The following CENPP variants were observed in gnomAD, a reference collection of about 807,000 sequenced individuals.
CENPP encodes centromere protein P.
CENPP carries 24 observed loss-of-function variants against 35.6 expected under a neutral mutation model. That is an observed-to-expected ratio of 0.67 (90% confidence interval 0.49 to 0.95). CENPP has a LOEUF of 0.95. Among genes scored for constraint, CENPP ranks in the 40% least tolerant of loss-of-function variants. CENPP has a pLI of 0.00. For missense variants in CENPP, 332 were observed against 345.3 expected, an observed-to-expected ratio of 0.96 and a Z score of 0.31; for synonymous variants, 120 against 125.5, an observed-to-expected ratio of 0.96 and a Z score of 0.29.
At chr9:92,582,803 T>C (rs928525139) in intron 5 of CENPP, among the ~76,000 whole-genome samples, 6 of 152,126 alleles carry the variant, frequency 3.9e-5, no homozygotes, top group African/African-American at 1.2e-4. Context: ...CTGAAGAATA[T>C]CCTGCTCTCA....
intron 4 of CENPP, among the ~76,000 whole-genome samples, chr9:92,347,964 C>T (rs34918110): frequency 0.011 from 1,614 of 152,206 alleles, 16 homozygotes; most frequent in Non-Finnish European, 0.019. Flanking sequence ...TACTCGGTCA[C>T]CCAGGCTAGA....
At chr9:92,484,636 A>G (rs1846013479) in intron 5 of CENPP, among the ~76,000 whole-genome samples, 1 of 152,306 alleles carries the variant, frequency 6.6e-6, no homozygotes, top group Admixed American at 6.5e-5. Context: ...CTCTTTAAAA[A>G]TTAGGCTTTC....
intron 5 of CENPP, among the ~76,000 whole-genome samples, chr9:92,567,630 T>A (rs1324046650): frequency 6.6e-6 from 1 of 152,056 alleles, no homozygotes; most frequent in Non-Finnish European, 1.5e-5. Flanking sequence ...AACACTGCTT[T>A]CTACATAATT....
intron 5 of CENPP, among the ~76,000 whole-genome samples, chr9:92,542,126 TTAGATCATCCGG>T (rs1452680349): frequency 6.6e-6 from 1 of 152,172 alleles, no homozygotes; most frequent in Admixed American, 6.5e-5. Flanking sequence ...AGTGGGATTG[TTAGATCATCCGG>T]TAGTTCTACT....
chr9:92,491,882 C>T (rs991845123), intron 5 of CENPP, among the ~76,000 whole-genome samples: 3 of 152,084 alleles, frequency 2.0e-5, no homozygotes, highest in African/African-American at 4.8e-5. Context: ...CATTTCTCAT[C>T]GCCTTGAATC....
At chr9:92,393,441 T>C (rs1462575315) in intron 5 of CENPP, among the ~76,000 whole-genome samples, 1 of 152,220 alleles carries the variant, frequency 6.6e-6, no homozygotes, top group Non-Finnish European at 1.5e-5. Flanking sequence ...GAGAATCTCT[T>C]TTTATTTTGT....
At chr9:92,472,496 A>T (rs975685465) in intron 5 of CENPP, among the ~76,000 whole-genome samples, 1 of 151,954 alleles carries the variant, frequency 6.6e-6, no homozygotes, top group African/African-American at 2.4e-5. Flanking sequence ...CGTCTCTACT[A>T]AAAATATAAA....
At chr9:92,562,526 G>A (rs745667750) in intron 5 of CENPP, among the ~76,000 whole-genome samples, 5 of 152,022 alleles carry the variant, frequency 3.3e-5, no homozygotes, top group Non-Finnish European at 7.4e-5. Flanking sequence ...TATCTTCAAA[G>A]TGAGACCATT....
chr9:92,417,692 C>A (rs765303405), intron 5 of CENPP: 128 of 631,350 alleles, frequency 2.0e-4, no homozygotes, highest in Non-Finnish European at 2.6e-4. Flanking sequence ...AAAAGAATAT[C>A]CAGAAAGAAT....
intron 5 of CENPP, among the ~76,000 whole-genome samples, chr9:92,588,209 A>G (rs939630442): frequency 6.6e-6 from 1 of 152,060 alleles, no homozygotes; most frequent in African/African-American, 2.4e-5. Context: ...AAAAATTTAA[A>G]GAGAGAAAGA....
At chr9:92,602,672 TCTG>T (rs1234621996) in intron 5 of CENPP, among the ~76,000 whole-genome samples, 1 of 152,000 alleles carries the variant, frequency 6.6e-6, no homozygotes, top group African/African-American at 2.4e-5. Flanking sequence ...ACATAGGAGA[TCTG>T]CTCAATTGGG....
intron 5 of CENPP, among the ~76,000 whole-genome samples, chr9:92,505,332 G>C (rs1343458277): frequency 6.6e-6 from 1 of 151,946 alleles, no homozygotes; most frequent in African/African-American, 2.4e-5. Context: ...ACTGTATCAG[G>C]TGTCTCTACT....
At chr9:92,562,169 A>AT (rs1849861374) in intron 5 of CENPP, among the ~76,000 whole-genome samples, 1 of 148,052 alleles carries the variant, frequency 6.8e-6, no homozygotes, top group Non-Finnish European at 1.5e-5. Flanking sequence ...CATAAGTCAC[A>AT]TTTCCCTTCT....
At chr9:92,567,489 CCTT>C (rs1210422622) in intron 5 of CENPP, among the ~76,000 whole-genome samples, 1 of 150,450 alleles carries the variant, frequency 6.6e-6, no homozygotes, top group Admixed American at 6.7e-5. Context: ...CATTCAGTAT[CCTT>C]CTAGCCATTT....
At chr9:92,594,280 T>A (rs1319464892) in intron 5 of CENPP, among the ~76,000 whole-genome samples, 1 of 152,180 alleles carries the variant, frequency 6.6e-6, no homozygotes, top group African/African-American at 2.4e-5. Context: ...CCCTCCATTC[T>A]TATCAGTGGG....
chr9:92,326,789 G>A (rs990718989), intron 1 of CENPP, among the ~76,000 whole-genome samples: 3 of 152,218 alleles, frequency 2.0e-5, no homozygotes, highest in African/African-American at 7.2e-5. Context: ...CCGTAATTAT[G>A]TATTATCATC....
intron 5 of CENPP, among the ~76,000 whole-genome samples, chr9:92,578,608 G>A (rs1485445943): frequency 1.3e-5 from 2 of 152,180 alleles, no homozygotes; most frequent in African/African-American, 4.8e-5. Flanking sequence ...CTTTTGAGAA[G>A]TGTCTGTTCA....
At chr9:92,469,475 T>C (rs1283350573) in intron 5 of CENPP, among the ~76,000 whole-genome samples, 1 of 152,072 alleles carries the variant, frequency 6.6e-6, no homozygotes, top group Non-Finnish European at 1.5e-5. Context: ...TCCACTGCAC[T>C]GACCCAGGGT....
intron 5 of CENPP, among the ~76,000 whole-genome samples, chr9:92,447,824 G>C (rs1208121596): frequency 6.6e-6 from 1 of 152,190 alleles, no homozygotes; most frequent in Non-Finnish European, 1.5e-5. Flanking sequence ...AACCTGCACA[G>C]CTGGGAGGAA....
Sources: allele counts gnomAD v4.1 joint callset (sites outside exome capture counted in the v4.1 genomes callset), GRCh38; gene constraint gnomAD v4.1.1; transcripts MANE v1.5; gene names NCBI Gene and HGNC (gene_info 2026-07-23, HGNC 2026-07-21).